The following KIAA0232 variants were observed in gnomAD, a reference collection of about 807,000 sequenced individuals.
KIAA0232 encodes the protein uncharacterized protein KIAA0232.
A neutral mutation model predicts 122.0 loss-of-function variants in KIAA0232; 27 were observed. The observed-to-expected ratio is 0.22, with a 90% CI of 0.16 to 0.31. KIAA0232 has a LOEUF of 0.31. Among genes scored for constraint, KIAA0232 ranks in the 10% least tolerant of loss-of-function variants. The pLI is 1.00. For missense variants in KIAA0232, 1,551 were observed against 1,634.2 expected (o/e 0.95, Z 0.88); for synonymous variants, 613 against 587.6 (o/e 1.04, Z -0.63).
rs772424300 is a variant in KIAA0232 at position 6,863,462 on chromosome 4, A to G, written c.3080A>G (p.Asn1027Ser). The change falls in exon 7 of 10, where the codon AAC becomes AGC. Residue 1027 changes from asparagine to serine, a missense_variant. This residue lies in a region of KIAA0232 where 1,108 missense variants were observed against 1,154.8 expected (regional missense o/e 0.96). Coordinates refer to ENST00000307659, the MANE Select transcript of KIAA0232 (RefSeq NM_014743.3). ...GAAGACTTACTAGGAGCTTGTGGCAACTTTCAAGTCGAAGATCCTGGACTT... is the reference window on the plus strand; with the variant it reads ...GAAGACTTACTAGGAGCTTGTGGCAGCTTTCAAGTCGAAGATCCTGGACTT... The part of the protein sequence containing the change: ...FHEDLLGACG[N>S]FQVEDPGLEY... 9.9e-6 allele frequency: 16 copies of G among 1,614,078 alleles called. No individual in the cohort carries two copies. In the East Asian group the frequency reaches 1.3e-4, roughly 13 times the overall value.
At chr4:6,853,166 T>C (rs1463317563) in intron 4 of KIAA0232, among the ~76,000 whole-genome samples, 1 of 152,168 alleles carries the variant, frequency 6.6e-6, no homozygotes, top group Admixed American at 6.5e-5. Flanking sequence ...CTTCCAAAGA[T>C]AGAAGTGTGG....
chr4:6,836,610 G>A (rs1376051940), intron 3 of KIAA0232, among the ~76,000 whole-genome samples: 6 of 148,510 alleles, frequency 4.0e-5, no homozygotes, highest in African/African-American at 7.5e-5. Context: ...GGATTTGGCA[G>A]GGTCGTAGGA....
chr4:6,850,491 C>T (rs1030203654), intron 4 of KIAA0232, among the ~76,000 whole-genome samples: 3 of 152,030 alleles, frequency 2.0e-5, no homozygotes, highest in Non-Finnish European at 2.9e-5. Flanking sequence ...TTTGTAACTT[C>T]TTTTAGTTAA....
chr4:6,783,219 T>G (rs1212051093), intron 1 of KIAA0232, among the ~76,000 whole-genome samples: 1 of 152,132 alleles, frequency 6.6e-6, no homozygotes, highest in South Asian at 2.1e-4. Flanking sequence ...CCGGCCCCGA[T>G]CCTGGTGGTG....
rs566509262 is a variant in KIAA0232 at position 6,872,394 on chromosome 4, G to T, written c.3910+712G>T. The stretch of plus-strand genomic sequence containing the variant: ...TTTGTTGGATTACTTTCTATGAGGA[G>T]TAGTTATGGGAGTCTAGGTAGAGAG... On this transcript the variant is annotated intron_variant, in intron 8 of 9. Coordinates refer to ENST00000307659, the MANE Select transcript of KIAA0232 (RefSeq NM_014743.3). Among the ~76,000 whole-genome samples the T allele has an allele frequency of 8.5e-5, 13 of 152,330 alleles. 1 individual carries two copies. Among genetic ancestry groups the T allele is most frequent in the African/African-American group, 2.9e-4 (12 of 41,564 alleles).
intron 7 of KIAA0232, among the ~76,000 whole-genome samples, chr4:6,869,129 T>C (rs1721335613): frequency 6.6e-6 from 1 of 152,192 alleles, no homozygotes; most frequent in African/African-American, 2.4e-5. Flanking sequence ...AAACTCGTCT[T>C]GGTTCATGCT....
At chr4:6,784,722 C>T (rs191381865) in intron 1 of KIAA0232, among the ~76,000 whole-genome samples, 54 of 152,172 alleles carry the variant, frequency 3.5e-4, no homozygotes, top group African/African-American at 7.9e-4. Context: ...TTTATGTAAG[C>T]CCGTTACATC....
chr4:6,840,830 T>C (rs542147574), intron 3 of KIAA0232, among the ~76,000 whole-genome samples: 1 of 152,104 alleles, frequency 6.6e-6, no homozygotes, highest in Non-Finnish European at 1.5e-5. Context: ...AAGCAGACTT[T>C]TAATAGTACA....
chr4:6,845,914 T>C (rs1719938559), intron 4 of KIAA0232, among the ~76,000 whole-genome samples: 1 of 152,282 alleles, frequency 6.6e-6, no homozygotes, highest in Admixed American at 6.5e-5. Flanking sequence ...TCGTGTGATG[T>C]GAAGAACTTA....
At chr4:6,803,228 T>TAC (rs1220304055) in intron 1 of KIAA0232, among the ~76,000 whole-genome samples, 7 of 146,556 alleles carry the variant, frequency 4.8e-5, no homozygotes, top group Non-Finnish European at 1.1e-4. Context: ...TATATATATA[T>TAC]GGACTTTCTC....
chr4:6,852,091 T>G (rs769157369), intron 4 of KIAA0232, among the ~76,000 whole-genome samples: 1 of 152,176 alleles, frequency 6.6e-6, no homozygotes, highest in Non-Finnish European at 1.5e-5. Flanking sequence ...CCCTAGATCA[T>G]GTTTGAAGAT....
Position 6,862,458 on chromosome 4 carries a change from C to G in KIAA0232, c.2076C>G (p.Thr692=). The change falls in exon 7 of 10, where the codon ACC becomes ACG. Residue 692 remains threonine, a synonymous_variant. Coordinates refer to ENST00000307659, the MANE Select transcript of KIAA0232 (RefSeq NM_014743.3). ...GKTQSRLLIW[T]KNSAFEENEH... is the part of the protein sequence containing the mutation. ...CACAGTCTAGATTGCTAATATGGAC[C>G]AAAAATAGTGCCTTTGAAGAAAATG... 6.2e-7 allele frequency: 1 copy of G among 1,613,974 alleles called. No homozygotes were observed. Among genetic ancestry groups the G allele is most frequent in the South Asian group, 1.1e-5 (1 of 91,068 alleles).
Position 6,882,137 on chromosome 4 carries a change from G to C in KIAA0232, c.*1171G>C, listed in dbSNP as rs867443293. 1.3e-5 allele frequency: 2 copies of C among 152,360 alleles called. No homozygotes were observed. Among genetic ancestry groups the C allele is most frequent in the East Asian group, 3.8e-4 (2 of 5,196 alleles). The allele number at this position is 152,360 out of a possible 1,614,324, so 9.4% of individuals were successfully genotyped here. A position where few individuals can be genotyped will look rare whatever the true frequency, so the allele number is the denominator to read the frequency against. On this transcript the variant is annotated 3_prime_UTR_variant, in exon 10 of 10. Coordinates refer to ENST00000307659, the MANE Select transcript of KIAA0232 (RefSeq NM_014743.3). ...GAGTCGCGTCTGTGCATGGCGATCC[G>C]CTCCTCCGGCTCTCATGGCATTGTG... is the stretch of plus-strand genomic sequence containing the variant.
chr4:6,850,993 C>T (rs1378866325), intron 4 of KIAA0232, among the ~76,000 whole-genome samples: 1 of 152,182 alleles, frequency 6.6e-6, no homozygotes, highest in African/African-American at 2.4e-5. Flanking sequence ...ACCTGCTTAT[C>T]CTTGTGCGTA....
Position 6,863,683 on chromosome 4 carries a change from C to G in KIAA0232, c.3301C>G (p.Arg1101Gly). ...GVDRTQYRAI[R>G]ISPRTHFRPI... is the part of the protein sequence containing the mutation. ...TGACAGAACACAATACAGGGCTATT[C>G]GGATCTCTCCTCGGACTCACTTTCG... The change falls in exon 7 of 10, where the codon CGG (arginine) becomes GGG (glycine). Residue 1101 changes from arginine (R) to glycine (G), a missense_variant. Transcript: ENST00000307659. The G allele has an allele frequency of 1.9e-6, 3 of 1,614,160 alleles. No homozygotes were observed. The highest frequency in any genetic ancestry group is 2.5e-6 in the Non-Finnish European group (3 of 1,180,042).
intron 4 of KIAA0232, among the ~76,000 whole-genome samples, chr4:6,854,271 G>T (rs1222308063): frequency 2.0e-5 from 3 of 151,626 alleles, no homozygotes; most frequent in Admixed American, 2.0e-4. Flanking sequence ...AATCTTGGGA[G>T]GGAAGTGGTG....
intron 1 of KIAA0232, among the ~76,000 whole-genome samples, chr4:6,785,529 A>G (rs999913994): frequency 6.6e-6 from 1 of 152,240 alleles, no homozygotes; most frequent in Non-Finnish European, 1.5e-5. Context: ...AAATGTCGTC[A>G]AGACTCAAAC....
At chr4:6,844,755 A>G (rs1719863583) in intron 4 of KIAA0232, among the ~76,000 whole-genome samples, 1 of 152,164 alleles carries the variant, frequency 6.6e-6, no homozygotes, top group Non-Finnish European at 1.5e-5. Flanking sequence ...ATTTCTTGAA[A>G]TTGTTGCTTC....
At chr4:6,876,553 A>T in intron 8 of KIAA0232, 107 bp from the exon 9 acceptor site, 1 of 781,484 alleles carries the variant, frequency 1.3e-6, no homozygotes, top group Non-Finnish European at 2.1e-6. Flanking sequence ...GACCTAACTG[A>T]TGTAGCTTTT....
Sources: allele counts gnomAD v4.1 joint callset (sites outside exome capture counted in the v4.1 genomes callset), GRCh38; gene constraint gnomAD v4.1.1; regional missense constraint gnomAD v4.1.1; transcripts MANE v1.5; gene names NCBI Gene and HGNC (gene_info 2026-07-23, HGNC 2026-07-21).